NR6A1: variants seen among roughly 807,000 people sequenced by gnomAD.
NR6A1 encodes nuclear receptor subfamily 6 group A member 1, also known as retinoic acid receptor-related testis-associated receptor.
A neutral mutation model predicts 59.1 loss-of-function variants in NR6A1; 7 were observed. That is an observed-to-expected ratio of 0.12 (90% CI 0.07 to 0.22). The LOEUF is 0.22. Among genes scored for constraint, NR6A1 ranks in the 10% least tolerant of loss-of-function variants. NR6A1 has a pLI of 1.00. For synonymous variants in NR6A1, 243 were observed against 236.1 expected, an observed-to-expected ratio of 1.03 and a Z score of -0.27; for missense variants, 468 against 611.6, an observed-to-expected ratio of 0.77 and a Z score of 2.48.
chr9:124,613,898 G>A (rs1479616071), intron 2 of NR6A1, among the ~76,000 whole-genome samples: 2 of 152,164 alleles, frequency 1.3e-5, no homozygotes, highest in African/African-American at 4.8e-5. Context: ...ATGGAGTAAT[G>A]GGGACCAGAT....
chr9:124,537,930 T>A (rs1411355959), intron 6 of NR6A1, among the ~76,000 whole-genome samples, 162 bp downstream of exon 6: 1 of 152,098 alleles, frequency 6.6e-6, no homozygotes, highest in Non-Finnish European at 1.5e-5. Flanking sequence ...AAATAAGGGA[T>A]CACTGGTTTC....
chr9:124,616,674 A>C (rs1564203060), intron 2 of NR6A1, among the ~76,000 whole-genome samples: 1 of 152,162 alleles, frequency 6.6e-6, no homozygotes, highest in Non-Finnish European at 1.5e-5. Context: ...CAGTAGGAAA[A>C]AGACAAGCAA....
chr9:124,599,125 T>A, intron 2 of NR6A1: 3 of 669,516 alleles, frequency 4.5e-6, no homozygotes, highest in Non-Finnish European at 8.4e-6. Flanking sequence ...CTGCGGCAAA[T>A]CACAGTTTCG....
chr9:124,667,043 T>C (rs1766242471), intron 2 of NR6A1, among the ~76,000 whole-genome samples: 1 of 151,500 alleles, frequency 6.6e-6, no homozygotes, highest in South Asian at 2.1e-4. Flanking sequence ...ACCCTACTTT[T>C]TTTTTTTTTT....
In NR6A1 at chr9:124,558,822, AAACCAACCAACCAACCACCC is replaced by A. The variant is rs1833997826; in HGVS notation, c.143-4272_143-4253del. ...GGTAAGTCAGTCCCTTCCCCACTGA[AAACCAACCAACCAACCACCC>A]AACCAACCAACCAAAAAAGCCAGGG... On this transcript the variant is annotated intron_variant, in intron 2 of 9. Transcript: ENST00000487099. Among the ~76,000 whole-genome samples the A allele has an allele frequency of 3.9e-5, 6 of 152,138 alleles. No individual in the cohort carries two copies. The South Asian group carries it at 1.2e-3, about 32-fold the overall frequency.
chr9:124,535,808 G>A, intron 7 of NR6A1, 70 bp downstream of exon 7: 1 of 1,574,144 alleles, frequency 6.4e-7, no homozygotes, highest in Non-Finnish European at 8.7e-7. Flanking sequence ...GAAGGGCCAG[G>A]CAACTCTGCC....
intron 2 of NR6A1, chr9:124,595,889 G>A (rs140117437): frequency 1.4e-4 from 159 of 1,105,266 alleles, no homozygotes; most frequent in Middle Eastern, 2.3e-4. Flanking sequence ...CCGGGACTAC[G>A]ACAGTCATCC....
intron 2 of NR6A1, among the ~76,000 whole-genome samples, chr9:124,637,262 T>C (rs547985407): frequency 7.2e-4 from 109 of 152,254 alleles, no homozygotes; most frequent in African/African-American, 2.3e-3. Context: ...TTAGTAATTG[T>C]GTGTAGCTAG....
At chr9:124,607,266 T>A (rs1037720030) in intron 2 of NR6A1, 2 of 152,176 alleles carry the variant, frequency 1.3e-5, no homozygotes, top group African/African-American at 4.8e-5. Flanking sequence ...GCCAATCCGG[T>A]GTTCCACACT....
In NR6A1 at chr9:124,520,028, C is replaced by T. The variant is rs537510466; in HGVS notation, c.*2677G>A. 6.6e-6 allele frequency: 1 copy of T among 151,778 alleles called. No homozygotes were observed. Among genetic ancestry groups the T allele is most frequent in the Non-Finnish European group, 1.5e-5 (1 of 68,000 alleles). The allele number at this position is 151,778 out of a possible 1,614,324, so 9.4% of individuals were successfully genotyped here. On this transcript the variant is annotated 3_prime_UTR_variant, in exon 10 of 10. Transcript: ENST00000487099. ...TGCACAACTTTTCTCTCCTTCCACT[C>T]GCAAAAAGGCTACCTGTTAACCAAA...
At position 124,740,947 on chromosome 9, in the gene NR6A1, A is replaced by G. The variant is rs77049723; in HGVS notation, c.101-7598T>C. ...ACTGTTTCTTTCACCAGAAGACAAT[A>G]ATGGTAAGCTACAATGCCACTACAA... On this transcript the variant is annotated intron_variant, in intron 1 of 9. Coordinates refer to ENST00000487099, the MANE Select transcript of NR6A1 (RefSeq NM_033334.4). 1.8e-4 allele frequency among the ~76,000 whole-genome samples: 27 copies of G among 152,328 alleles called. No homozygotes were observed. The East Asian group carries it at 5.0e-3, about 28-fold the overall frequency.
intron 2 of NR6A1, among the ~76,000 whole-genome samples, chr9:124,604,654 CA>C (rs201769772): frequency 1.3e-5 from 2 of 151,814 alleles, no homozygotes; most frequent in Admixed American, 1.3e-4. Flanking sequence ...ACCAAAAATA[CA>C]AAAAATTAGC....
chr9:124,722,431 G>A (rs1337948990), intron 2 of NR6A1, among the ~76,000 whole-genome samples: 2 of 152,154 alleles, frequency 1.3e-5, no homozygotes, highest in Non-Finnish European at 2.9e-5. Context: ...TGACAACTAG[G>A]AATAAATCCA....
intron 2 of NR6A1, among the ~76,000 whole-genome samples, chr9:124,622,730 T>C (rs192405679): frequency 6.6e-6 from 1 of 151,666 alleles, no homozygotes; most frequent in East Asian, 1.9e-4. Flanking sequence ...GGGAATGGGG[T>C]AGAGCAACAA....
intron 9 of NR6A1, 107 bp downstream of exon 9, chr9:124,524,614 G>T: frequency 7.8e-7 from 1 of 1,280,990 alleles, no homozygotes; most frequent in Non-Finnish European, 1.1e-6. Context: ...CTTTCATGCA[G>T]TTGGTGATGG....
chr9:124,594,298 A>G (rs1192104986), intron 2 of NR6A1, among the ~76,000 whole-genome samples: 1 of 152,228 alleles, frequency 6.6e-6, no homozygotes, highest in Non-Finnish European at 1.5e-5. Flanking sequence ...ATGACTAAGA[A>G]GAACTGAAGT....
chr9:124,692,497 G>T, intron 2 of NR6A1: 1 of 532,384 alleles, frequency 1.9e-6, no homozygotes, highest in Non-Finnish European at 3.9e-6. Flanking sequence ...AACGCTGTCG[G>T]TGAGTTTGGG....
intron 2 of NR6A1, among the ~76,000 whole-genome samples, chr9:124,671,634 T>A (rs1468558884): frequency 2.6e-5 from 4 of 152,136 alleles, no homozygotes; most frequent in African/African-American, 9.7e-5. Context: ...TCAACTAAGT[T>A]TACCTAATGT....
intron 1 of NR6A1, among the ~76,000 whole-genome samples, chr9:124,758,390 G>T (rs955199283): frequency 2.0e-5 from 3 of 152,080 alleles, no homozygotes; most frequent in Non-Finnish European, 4.4e-5. Context: ...CAAATGAAGC[G>T]CATTTAATCT....
Sources: gnomAD v4.1 joint callset for allele counts (sites outside exome capture counted in the v4.1 genomes callset) on GRCh38, gnomAD v4.1.1 for gene constraint, MANE v1.5 for transcripts, NCBI Gene and HGNC (gene_info 2026-07-23, HGNC 2026-07-21) for gene names.